Variants in CREB5 observed in about 807,000 individuals in gnomAD.
The protein encoded by CREB5 is cAMP responsive element binding protein 5.
CREB5 carries 19 observed loss-of-function variants against 57.1 expected under a neutral mutation model. That is an observed-to-expected ratio of 0.33 (90% CI 0.23 to 0.49). The LOEUF is 0.49. Among genes scored for constraint, CREB5 ranks in the 20% least tolerant of loss-of-function variants. The pLI, the probability that CREB5 is intolerant of heterozygous loss-of-function variation, is 0.99. For missense variants in CREB5, 579 were observed against 671.6 expected (o/e 0.86, Z 1.52); for synonymous variants, 238 against 238.3 (o/e 1.00, Z 0.01).
chr7:28,600,318 G>A (rs913097409), intron 5 of CREB5, among the ~76,000 whole-genome samples: 11 of 152,088 alleles, frequency 7.2e-5, no homozygotes, highest in East Asian at 3.9e-4. Flanking sequence ...ATCTCCTCCC[G>A]TGTCCAGCTA....
intron 5 of CREB5, among the ~76,000 whole-genome samples, chr7:28,614,252 C>A (rs534285777): frequency 2.6e-5 from 4 of 152,328 alleles, no homozygotes; most frequent in Admixed American, 2.0e-4. Flanking sequence ...AGCCACTGTA[C>A]CCAGGCAGAA....
intron 7 of CREB5, among the ~76,000 whole-genome samples, chr7:28,731,888 T>C (rs1322979595): frequency 6.6e-6 from 1 of 152,210 alleles, no homozygotes; most frequent in Non-Finnish European, 1.5e-5. Context: ...GGTCTTGACT[T>C]GGCTTATTTG....
In CREB5 at chr7:28,647,935, A is replaced by C. The variant is rs112231946; in HGVS notation, c.465-70818A>C. On this transcript the variant is annotated intron_variant, in intron 5 of 10. Transcript: ENST00000357727. ...CAACTCTACAAAAAATAAAAATAAG[A>C]GAAAATGAAAAAGTACATAATTTAA... Among the ~76,000 whole-genome samples, 3 of 152,184 alleles carry C rather than the reference A, an allele frequency of 2.0e-5. No homozygotes were observed. The East Asian group carries it at 5.8e-4, about 29-fold the overall frequency.
intron 7 of CREB5, among the ~76,000 whole-genome samples, chr7:28,744,246 A>G (rs996803053): frequency 2.7e-5 from 4 of 149,964 alleles, no homozygotes; most frequent in African/African-American, 9.8e-5. Flanking sequence ...AATCCAGTCT[A>G]TCATTTGATT....
At chr7:28,333,923 T>A (rs1482919448) in intron 1 of CREB5, among the ~76,000 whole-genome samples, 1 of 152,196 alleles carries the variant, frequency 6.6e-6, no homozygotes, top group Non-Finnish European at 1.5e-5. Context: ...GCAATAGACT[T>A]GCCAGATTAT....
At chr7:28,423,052 A>G (rs1020278089) in intron 1 of CREB5, among the ~76,000 whole-genome samples, 2 of 152,182 alleles carry the variant, frequency 1.3e-5, no homozygotes, top group East Asian at 1.9e-4. Context: ...AGTGCCAGAC[A>G]TATAACTGGA....
At chr7:28,624,331 G>C (rs1341539285) in intron 5 of CREB5, among the ~76,000 whole-genome samples, 1 of 152,198 alleles carries the variant, frequency 6.6e-6, no homozygotes, top group African/African-American at 2.4e-5. Flanking sequence ...GGGAAGAACA[G>C]TTGGGAATTT....
intron 5 of CREB5, among the ~76,000 whole-genome samples, chr7:28,630,573 A>T (rs932706558): frequency 1.3e-5 from 2 of 152,180 alleles, no homozygotes; most frequent in African/African-American, 4.8e-5. Context: ...CAGCTGAAAA[A>T]GTTCGAAAAA....
intron 1 of CREB5, among the ~76,000 whole-genome samples, chr7:28,386,447 G>C (rs1787105823): frequency 6.6e-6 from 1 of 152,158 alleles, no homozygotes; most frequent in Non-Finnish European, 1.5e-5. Flanking sequence ...TCCTCTAGGT[G>C]CTTTCAATAT....
At chr7:28,406,251 A>G (rs1478159480) in intron 1 of CREB5, among the ~76,000 whole-genome samples, 2 of 152,216 alleles carry the variant, frequency 1.3e-5, no homozygotes, top group Non-Finnish European at 2.9e-5. Context: ...AAATTCTTCC[A>G]TGGGAGTTGG....
intron 5 of CREB5, among the ~76,000 whole-genome samples, chr7:28,650,296 T>A (rs1799074004): frequency 6.6e-6 from 1 of 152,212 alleles, no homozygotes; most frequent in African/African-American, 2.4e-5. Context: ...GTCTTAAGCA[T>A]TCTTGGTAAA....
At chr7:28,307,253 GTAC>G (rs1170516019) in intron 1 of CREB5, among the ~76,000 whole-genome samples, 1 of 152,180 alleles carries the variant, frequency 6.6e-6, no homozygotes, top group Non-Finnish European at 1.5e-5. Flanking sequence ...ACCCCTGGTG[GTAC>G]TACTAAGAAG....
intron 3 of CREB5, among the ~76,000 whole-genome samples, chr7:28,499,528 T>C (rs1002355020): frequency 2.0e-5 from 3 of 152,294 alleles, no homozygotes; most frequent in East Asian, 3.9e-4. Context: ...TAAAACCCAA[T>C]TGACATCTCA....
rs1418925586 is a variant in CREB5 at position 28,823,982 on chromosome 7, A to ATT, written c.*4705_*4706dup. 1 of 152,322 alleles carries ATT rather than the reference A, an allele frequency of 6.6e-6. No individual in the cohort carries two copies. Among genetic ancestry groups the ATT allele is most frequent in the African/African-American group, 2.4e-5 (1 of 41,352 alleles). The allele number at this position is 152,322 out of a possible 1,614,324, so 9.4% of individuals were successfully genotyped here. ...CACTTTAGCTTTTTGATCCCTTTGT[A>ATT]TTTCTCTTATTCTCTTTCTAACCTC... On this transcript the variant is annotated 3_prime_UTR_variant, in exon 11 of 11. Coordinates refer to ENST00000357727, the MANE Select transcript of CREB5 (RefSeq NM_182898.4).
intron 5 of CREB5, among the ~76,000 whole-genome samples, chr7:28,634,356 G>A (rs1258276135): frequency 6.6e-6 from 1 of 152,124 alleles, no homozygotes; most frequent in African/African-American, 2.4e-5. Flanking sequence ...ATTTTTTAAT[G>A]GGAAGGGTAA....
intron 3 of CREB5, 22 bp from the exon 4 acceptor site, chr7:28,507,594 A>G (rs1207555311): frequency 1.3e-6 from 2 of 1,592,690 alleles, no homozygotes; most frequent in African/African-American, 1.3e-5. Flanking sequence ...CCCATTTATG[A>G]GCTCTCCGAC....
chr7:28,449,354 C>T (rs1789670807), intron 1 of CREB5, among the ~76,000 whole-genome samples: 1 of 152,314 alleles, frequency 6.6e-6, no homozygotes, highest in African/African-American at 2.4e-5. Context: ...CCTGTGCCTC[C>T]TCTACCTCTG....
chr7:28,408,462 C>T (rs1787637317), upstream of CREB5, among the ~76,000 whole-genome samples: 1 of 152,174 alleles, frequency 6.6e-6, no homozygotes, highest in Non-Finnish European at 1.5e-5. Flanking sequence ...CGCCAGGCTC[C>T]TCTCGCTGCA....
chr7:28,646,739 T>G (rs1461310972), intron 5 of CREB5, among the ~76,000 whole-genome samples: 3 of 151,920 alleles, frequency 2.0e-5, no homozygotes, highest in Non-Finnish European at 4.4e-5. Context: ...TTGGAATGTG[T>G]TTTTTTTAAT....
Sources: gnomAD v4.1 joint callset for allele counts (sites outside exome capture counted in the v4.1 genomes callset) on GRCh38, gnomAD v4.1.1 for gene constraint, MANE v1.5 for transcripts, NCBI Gene and HGNC (gene_info 2026-07-23, HGNC 2026-07-21) for gene names.